Variants in DPEP1 observed in about 807,000 individuals in gnomAD.
DPEP1 encodes beta-lactamase.
Under a neutral mutation model 42.3 loss-of-function variants are expected in DPEP1, and 50 were observed. The observed-to-expected ratio is 1.18, with a 90% CI of 0.94 to 1.50. The LOEUF is 1.50. Ranked by LOEUF, DPEP1 falls within the 40% of genes most tolerant of loss-of-function variation. The pLI is 0.00. For missense variants in DPEP1, 663 were observed against 553.0 expected (o/e 1.20, Z -1.99); for synonymous variants, 297 against 234.0 (o/e 1.27, Z -2.46).
chr16:89,632,328 C>T (rs1322074342), intron 2 of DPEP1, among the ~76,000 whole-genome samples: 1 of 152,214 alleles, frequency 6.6e-6, no homozygotes, highest in African/African-American at 2.4e-5. Flanking sequence ...GCTGGGATTC[C>T]AGGCGTGAGC....
At chr16:89,636,417 C>A in intron 4 of DPEP1, 21 bp downstream of exon 4, 1 of 1,605,558 alleles carries the variant, frequency 6.2e-7, no homozygotes, top group Non-Finnish European at 8.5e-7. Flanking sequence ...GACCTGGGTC[C>A]TCCAGGTCCT....
At chr16:89,615,617 G>A (rs916481482) in intron 1 of DPEP1, among the ~76,000 whole-genome samples, 1 of 152,214 alleles carries the variant, frequency 6.6e-6, no homozygotes, top group Non-Finnish European at 1.5e-5. Flanking sequence ...CACAGGCAGA[G>A]CCCACCCTGA....
Position 89,637,310 on chromosome 16 carries a change from T to G in DPEP1, c.698T>G (p.Phe233Cys), listed in dbSNP as rs767295321. 6.2e-7 allele frequency: 1 copy of G among 1,612,650 alleles called. No individual in the cohort carries two copies. Among genetic ancestry groups the G allele is most frequent in the Non-Finnish European group, 8.5e-7 (1 of 1,179,960 alleles). The change falls in exon 7 of 11, where the codon TTC becomes TGC. Residue 233 changes from phenylalanine to cysteine, a missense_variant. Transcript: ENST00000690203. ...TLQLSRAPVI[F>C]SHSSAYSVCA... The stretch of plus-strand genomic sequence containing the variant: ...CAGCTGTCCAGAGCCCCGGTCATCT[T>G]CAGCCACTCCTCGGCCTACAGCGTG...
chr16:89,640,489 A>G (rs1044143147), downstream of DPEP1: 35 of 891,418 alleles, frequency 3.9e-5, no homozygotes, highest in African/African-American at 5.8e-4. Context: ...ATGCCCTTCC[A>G]TGGAGCAGCA....
downstream of DPEP1, among the ~76,000 whole-genome samples, chr16:89,641,224 G>A (rs1018401976): frequency 6.6e-5 from 10 of 152,308 alleles, no homozygotes; most frequent in South Asian, 6.2e-4. Flanking sequence ...GGGCTGCGGG[G>A]GGGGGTTGAC....
intron 1 of DPEP1, among the ~76,000 whole-genome samples, chr16:89,620,030 C>G (rs2059429441): frequency 6.7e-6 from 1 of 148,824 alleles, no homozygotes; most frequent in Non-Finnish European, 1.5e-5. Flanking sequence ...ATGCCCCCCT[C>G]CCGCCGCAAC....
chr16:89,618,051 AATC>A (rs2059399692), intron 1 of DPEP1, among the ~76,000 whole-genome samples: 1 of 152,100 alleles, frequency 6.6e-6, no homozygotes, highest in Non-Finnish European at 1.5e-5. Context: ...AAAAATAAAA[AATC>A]ATCATTCTAA....
chr16:89,621,916 A>G lies in DPEP1; in HGVS notation c.-107+8197A>G, dbSNP rs540307517. Among the ~76,000 whole-genome samples the G allele has an allele frequency of 1.6e-4, 25 of 152,236 alleles. No individual in the cohort carries two copies. The South Asian group carries it at 5.2e-3, about 32-fold the overall frequency. On this transcript the variant is annotated intron_variant, in intron 1 of 10. Coordinates refer to ENST00000690203, the MANE Select transcript of DPEP1 (RefSeq NM_001389466.1). The stretch of plus-strand genomic sequence containing the variant: ...CATTGCCTGTGGCTGCCTGTGCAGA[A>G]GTGGTATCATCCGAAATGGCCACGG...
intron 1 of DPEP1, among the ~76,000 whole-genome samples, chr16:89,622,369 C>A (rs1313907740): frequency 6.6e-6 from 1 of 152,172 alleles, no homozygotes; most frequent in East Asian, 1.9e-4. Context: ...GAATTAAACA[C>A]ACCCTGAACC....
At chr16:89,620,137 A>C (rs957950106) in intron 1 of DPEP1, among the ~76,000 whole-genome samples, 1 of 151,882 alleles carries the variant, frequency 6.6e-6, no homozygotes, top group African/African-American at 2.4e-5. Flanking sequence ...GCCAGAGGAC[A>C]TTCCAATCCT....
chr16:89,634,769 T>TC (rs773009323), intron 2 of DPEP1, among the ~76,000 whole-genome samples: 26 of 19,828 alleles, frequency 1.3e-3, no homozygotes, highest in Non-Finnish European at 2.3e-3. Flanking sequence ...CCTTCTCCTT[T>TC]CCCTTCCTTC....
At chr16:89,638,011 C>T (rs1379368166) in intron 10 of DPEP1, 40 bp downstream of exon 10, 1 of 1,609,288 alleles carries the variant, frequency 6.2e-7, no homozygotes, top group African/African-American at 1.3e-5. Context: ...CCCACCACCA[C>T]CAGCAGGCAG....
intron 1 of DPEP1, among the ~76,000 whole-genome samples, chr16:89,622,524 G>A (rs1014141403): frequency 3.9e-5 from 6 of 152,118 alleles, no homozygotes; most frequent in East Asian, 1.9e-4. Flanking sequence ...AGTGGCTCAC[G>A]CCTGTAATCC....
chr16:89,623,718 G>A (rs947226493), intron 1 of DPEP1, among the ~76,000 whole-genome samples: 1 of 152,106 alleles, frequency 6.6e-6, no homozygotes, highest in African/African-American at 2.4e-5. Flanking sequence ...GAGTGCACAG[G>A]ATAAGCAGGA....
downstream of DPEP1, chr16:89,640,551 A>G: frequency 1.0e-6 from 1 of 985,252 alleles, no homozygotes; most frequent in Non-Finnish European, 1.2e-6. Context: ...CTGATCTTCC[A>G]GGATGCACTT....
intron 6 of DPEP1, 34 bp downstream of exon 6, chr16:89,636,969 G>A: frequency 6.2e-7 from 1 of 1,609,938 alleles, no homozygotes; most frequent in East Asian, 2.2e-5. Flanking sequence ...TCACCCCCGA[G>A]GAGAAGGCAG....
intron 1 of DPEP1, among the ~76,000 whole-genome samples, chr16:89,628,382 C>T (rs935005012): frequency 3.3e-5 from 5 of 150,530 alleles, no homozygotes; most frequent in Non-Finnish European, 5.9e-5. Flanking sequence ...CTCAGCCTCC[C>T]GAGTAGCTGG....
chr16:89,622,332 G>A (rs1034254305), intron 1 of DPEP1, among the ~76,000 whole-genome samples: 11 of 152,262 alleles, frequency 7.2e-5, no homozygotes, highest in African/African-American at 2.6e-4. Flanking sequence ...CATGAAAGAC[G>A]CACAACCAGA....
chr16:89,633,270 G>C (rs557121007), intron 2 of DPEP1, among the ~76,000 whole-genome samples: 9 of 152,362 alleles, frequency 5.9e-5, no homozygotes, highest in Admixed American at 1.3e-4. Context: ...GCCAGCCCAG[G>C]CTGTCATGTG....
Sources: gnomAD v4.1 joint callset for allele counts (sites outside exome capture counted in the v4.1 genomes callset) on GRCh38, gnomAD v4.1.1 for gene constraint, MANE v1.5 for transcripts, NCBI Gene and HGNC (gene_info 2026-07-23, HGNC 2026-07-21) for gene names.